Variants in DAPK1 observed in about 807,000 individuals in gnomAD.
DAPK1 encodes the protein death-associated protein kinase 1.
DAPK1 carries 56 observed loss-of-function variants against 144.9 expected under a neutral mutation model. The observed-to-expected ratio is 0.39, with a 90% CI of 0.31 to 0.48. The LOEUF is 0.48. Among genes scored for constraint, DAPK1 ranks in the 20% least tolerant of loss-of-function variants. DAPK1 has a pLI of 0.95. For synonymous variants in DAPK1, 690 were observed against 749.0 expected, an observed-to-expected ratio of 0.92 and a Z score of 1.29; for missense variants, 1,454 against 1,875.4, an observed-to-expected ratio of 0.78 and a Z score of 4.15.
At chr9:87,638,159 G>A in intron 4 of DAPK1, 78 bp downstream of exon 4, 1 of 1,431,442 alleles carries the variant, frequency 7.0e-7, no homozygotes, top group Non-Finnish European at 9.4e-7. Context: ...GAAAAATTGA[G>A]GCATCTGAAA....
intron 18 of DAPK1, among the ~76,000 whole-genome samples, chr9:87,665,865 C>A (rs1831032053): frequency 6.6e-6 from 1 of 152,166 alleles, no homozygotes; most frequent in Non-Finnish European, 1.5e-5. Flanking sequence ...GCCACTTGGT[C>A]CCCAGGGCTC....
chr9:87,596,734 G>A (rs959782014), intron 2 of DAPK1, among the ~76,000 whole-genome samples: 2 of 152,170 alleles, frequency 1.3e-5, no homozygotes, highest in Admixed American at 1.3e-4. Context: ...AGCTTCTGGG[G>A]CGATCTGTTA....
chr9:87,535,389 G>A (rs1021680483), intron 2 of DAPK1, among the ~76,000 whole-genome samples: 33 of 152,234 alleles, frequency 2.2e-4, no homozygotes, highest in African/African-American at 7.7e-4. Context: ...AAACTAGTCT[G>A]TCTTTTGATA....
chr9:87,633,683 C>T (rs948132863), intron 3 of DAPK1, among the ~76,000 whole-genome samples: 10 of 152,008 alleles, frequency 6.6e-5, no homozygotes, highest in African/African-American at 1.5e-4. Context: ...TTTCTGAGGA[C>T]GCAAATACTG....
chr9:87,597,229 G>T (rs1294330407), intron 2 of DAPK1, among the ~76,000 whole-genome samples: 1 of 152,212 alleles, frequency 6.6e-6, no homozygotes, highest in Non-Finnish European at 1.5e-5. Flanking sequence ...ACTCAAGAGA[G>T]CATGTGGGAT....
chr9:87,628,170 T>C, intron 3 of DAPK1, among the ~76,000 whole-genome samples: 1 of 152,172 alleles, frequency 6.6e-6, no homozygotes, highest in East Asian at 1.9e-4. Context: ...GAGCTTTGAG[T>C]GCCACGCATG....
At chr9:87,567,466 T>G (rs758968653) in intron 2 of DAPK1, among the ~76,000 whole-genome samples, 3 of 152,186 alleles carry the variant, frequency 2.0e-5, no homozygotes, top group Non-Finnish European at 4.4e-5. Flanking sequence ...CTTTCCATCC[T>G]CCTGTGTTTC....
intron 3 of DAPK1, among the ~76,000 whole-genome samples, chr9:87,615,230 A>C (rs529774678): frequency 1.3e-5 from 2 of 152,204 alleles, no homozygotes; most frequent in East Asian, 1.9e-4. Context: ...GTATTACCTC[A>C]CCTTCTTCTA....
Position 87,640,391 on chromosome 9 carries a change from C to T in DAPK1, c.723C>T (p.Phe241=). The T allele has an allele frequency of 6.2e-7, 1 of 1,614,192 alleles. No individual in the cohort carries two copies. The highest frequency in any genetic ancestry group is 8.5e-7 in the Non-Finnish European group (1 of 1,179,982). ...ACTACGAATTTGAGGATGAATACTT[C>T]AGTAATACCAGTGCCCTAGCCAAAG... is the stretch of plus-strand genomic sequence containing the variant. The part of the protein sequence containing the change: ...AVNYEFEDEY[F]SNTSALAKDF... Residue 241 remains phenylalanine, a synonymous_variant, in exon 8 of 26, where the codon TTC becomes TTT. Transcript: ENST00000408954.
At chr9:87,622,220 G>A (rs1829321492) in intron 3 of DAPK1, among the ~76,000 whole-genome samples, 2 of 151,956 alleles carry the variant, frequency 1.3e-5, no homozygotes, top group South Asian at 2.1e-4. Context: ...ATCCCCTGTG[G>A]AAACAAAAAT....
At chr9:87,501,866 C>A (rs1477996965) in intron 2 of DAPK1, among the ~76,000 whole-genome samples, 2 of 152,174 alleles carry the variant, frequency 1.3e-5, no homozygotes, top group Non-Finnish European at 2.9e-5. Flanking sequence ...TGGACAGATA[C>A]CCTGGTCCAA....
At chr9:87,632,986 G>A (rs1236909349) in intron 3 of DAPK1, 1 of 977,298 alleles carries the variant, frequency 1.0e-6, no homozygotes, top group Non-Finnish European at 1.2e-6. Context: ...AGAAATGAAG[G>A]GAGATGAGTA....
chr9:87,593,365 T>C (rs36206052), intron 2 of DAPK1, among the ~76,000 whole-genome samples: 4,138 of 152,310 alleles, frequency 0.027, 179 homozygotes, highest in African/African-American at 0.094. Context: ...TTTAAAAACA[T>C]GCAGGCAAAT....
chr9:87,594,759 C>A (rs79034383), intron 2 of DAPK1, among the ~76,000 whole-genome samples: 1 of 152,230 alleles, frequency 6.6e-6, no homozygotes, highest in Admixed American at 6.5e-5. Context: ...TTGCCAGTCT[C>A]AAGTGGTGAA....
intron 2 of DAPK1, among the ~76,000 whole-genome samples, chr9:87,501,040 A>G (rs1278389649): frequency 6.6e-6 from 1 of 152,232 alleles, no homozygotes; most frequent in Non-Finnish European, 1.5e-5. Flanking sequence ...CACTTCCTGA[A>G]AACAAGTCCT....
intron 18 of DAPK1, among the ~76,000 whole-genome samples, chr9:87,663,841 C>T (rs982787302): frequency 3.9e-5 from 6 of 152,082 alleles, no homozygotes; most frequent in African/African-American, 7.2e-5. Flanking sequence ...AAAGGGCTTC[C>T]GCATCTGTCT....
At chr9:87,540,887 T>G (rs1163776732) in intron 2 of DAPK1, among the ~76,000 whole-genome samples, 1 of 152,184 alleles carries the variant, frequency 6.6e-6, no homozygotes, top group Non-Finnish European at 1.5e-5. Flanking sequence ...CACACCAAAC[T>G]GTTTTCTCTT....
intron 21 of DAPK1, among the ~76,000 whole-genome samples, chr9:87,693,970 C>T (rs1040913239): frequency 6.6e-6 from 1 of 152,060 alleles, no homozygotes; most frequent in African/African-American, 2.4e-5. Flanking sequence ...GTGGGCTGAG[C>T]ATGCCTGTCC....
chr9:87,583,262 A>G (rs1053755737), intron 2 of DAPK1, among the ~76,000 whole-genome samples: 6 of 152,096 alleles, frequency 3.9e-5, no homozygotes, highest in Non-Finnish European at 8.8e-5. Context: ...TGCCTGACAC[A>G]TGAGTGTTCA....
Sources: allele counts gnomAD v4.1 joint callset (sites outside exome capture counted in the v4.1 genomes callset), GRCh38; gene constraint gnomAD v4.1.1; transcripts MANE v1.5; gene names NCBI Gene and HGNC (gene_info 2026-07-23, HGNC 2026-07-21).